Variants in AGBL1 observed in about 807,000 individuals in gnomAD.
The protein encoded by AGBL1 is cytosolic carboxypeptidase 4.
Under a neutral mutation model 118.9 loss-of-function variants are expected in AGBL1, and 130 were observed. The observed-to-expected ratio is 1.09, with a 90% CI of 0.95 to 1.26. The LOEUF (loss-of-function observed/expected upper bound fraction) is 1.26. Ranked by LOEUF, AGBL1 falls within the 50% of genes most tolerant of loss-of-function variation. The pLI is 0.00. For synonymous variants in AGBL1, 555 were observed against 478.9 expected, an observed-to-expected ratio of 1.16 and a Z score of -2.08; for missense variants, 1,584 against 1,298.1, an observed-to-expected ratio of 1.22 and a Z score of -3.38.
intron 21 of AGBL1, among the ~76,000 whole-genome samples, chr15:86,605,660 T>A (rs1318125601): frequency 6.6e-6 from 1 of 152,180 alleles, no homozygotes; most frequent in African/African-American, 2.4e-5. Context: ...GACGTTGATT[T>A]TGCTAGTCCA....
chr15:86,335,122 A>G (rs1412769760), intron 17 of AGBL1, among the ~76,000 whole-genome samples: 1 of 150,520 alleles, frequency 6.6e-6, no homozygotes, highest in Non-Finnish European at 1.5e-5. Context: ...ACTGAGAGAC[A>G]TGGAAGGTAG....
intron 21 of AGBL1, among the ~76,000 whole-genome samples, chr15:86,581,984 A>G (rs184614876): frequency 2.0e-4 from 30 of 152,274 alleles, no homozygotes; most frequent in Middle Eastern, 3.4e-3. Flanking sequence ...TGGCTTGGAA[A>G]GTTTCTCAAC....
chr15:87,021,769 C>A (rs1464446271), intron 24 of AGBL1, among the ~76,000 whole-genome samples: 2 of 152,198 alleles, frequency 1.3e-5, no homozygotes, highest in African/African-American at 4.8e-5. Flanking sequence ...GACTAGACTG[C>A]AGCTCTAACT....
chr15:86,639,180 T>C (rs1391139600), intron 21 of AGBL1, among the ~76,000 whole-genome samples: 1 of 152,140 alleles, frequency 6.6e-6, no homozygotes, highest in Non-Finnish European at 1.5e-5. Context: ...CAGTCACTAG[T>C]TCCAGTCCAC....
intron 23 of AGBL1, among the ~76,000 whole-genome samples, chr15:86,976,552 T>A (rs945167839): frequency 2.6e-5 from 4 of 152,000 alleles, no homozygotes; most frequent in Non-Finnish European, 4.4e-5. Context: ...TTTCTTAGGA[T>A]ATATTTCTAA....
intron 17 of AGBL1, among the ~76,000 whole-genome samples, chr15:86,391,640 G>GTTTTTTTTTTTTTTTT (rs751427467): frequency 1.5e-4 from 11 of 73,780 alleles, no homozygotes; most frequent in South Asian, 6.0e-4. Flanking sequence ...GTTGTTGTTG[G>GTTTTTTTTTTTTTTTT]TTTTTTTTTT....
chr15:86,109,106 A>C (rs1431421744), intron 1 of AGBL1, among the ~76,000 whole-genome samples: 1 of 152,216 alleles, frequency 6.6e-6, no homozygotes, highest in Admixed American at 6.5e-5. Context: ...AAATGAAAGG[A>C]GTTAGTATAT....
intron 1 of AGBL1, among the ~76,000 whole-genome samples, chr15:86,133,438 C>A (rs2076844545): frequency 6.6e-6 from 1 of 152,198 alleles, no homozygotes; most frequent in Admixed American, 6.5e-5. Context: ...AACCCGGCAC[C>A]TATTCCTGGT....
chr15:86,597,699 A>G (rs1481041725), intron 21 of AGBL1, among the ~76,000 whole-genome samples: 1 of 152,174 alleles, frequency 6.6e-6, no homozygotes, highest in Non-Finnish European at 1.5e-5. Flanking sequence ...AGCTTGCTTT[A>G]TCAAGGGAGT....
intron 22 of AGBL1, among the ~76,000 whole-genome samples, chr15:86,849,921 G>T (rs2079381290): frequency 6.6e-6 from 1 of 152,074 alleles, no homozygotes; most frequent in South Asian, 2.1e-4. Context: ...AGAAGGAGCT[G>T]GTCTTTTTGG....
intron 22 of AGBL1, among the ~76,000 whole-genome samples, chr15:86,675,631 G>C (rs756704611): frequency 6.6e-6 from 1 of 152,166 alleles, no homozygotes; most frequent in African/African-American, 2.4e-5. Flanking sequence ...GGCTTCGTGT[G>C]TTTGGTATCT....
intron 9 of AGBL1, among the ~76,000 whole-genome samples, chr15:86,260,344 A>G (rs535376181): frequency 1.3e-5 from 2 of 152,308 alleles, no homozygotes; most frequent in African/African-American, 4.8e-5. Context: ...AGAATGATTA[A>G]GAGGATCTTT....
Position 86,477,108 on chromosome 15 carries a change from C to A in AGBL1, c.2556-45702C>A, listed in dbSNP as rs978426608. Among the ~76,000 whole-genome samples the A allele has an allele frequency of 1.7e-3, 251 of 152,106 alleles. 1 individual carries two copies. The highest frequency in any genetic ancestry group is 5.5e-3 in the African/African-American group (230 of 41,506). On this transcript the variant is annotated intron_variant, in intron 18 of 22. Transcript: ENST00000614907. ...TGTGTAGAGGGAAATTTATAGCACT[C>A]AATGCCCACAAGAGAAAGCAGGAAA...
chr15:86,510,616 G>A (rs1407132083), intron 18 of AGBL1, among the ~76,000 whole-genome samples: 2 of 151,962 alleles, frequency 1.3e-5, no homozygotes, highest in South Asian at 2.1e-4. Flanking sequence ...TAATGATTTG[G>A]AACATTACAT....
At chr15:86,752,788 C>T (rs183920091) in intron 22 of AGBL1, among the ~76,000 whole-genome samples, 1 of 152,050 alleles carries the variant, frequency 6.6e-6, no homozygotes, top group Admixed American at 6.6e-5. Flanking sequence ...TGTGACCAAA[C>T]CTTTTTGTTT....
At chr15:86,641,562 T>C (rs1323902715) in intron 21 of AGBL1, among the ~76,000 whole-genome samples, 1 of 152,206 alleles carries the variant, frequency 6.6e-6, no homozygotes, top group East Asian at 1.9e-4. Context: ...ATATATTTAA[T>C]ATTTAATCAA....
At chr15:86,901,645 G>T (rs907830563) in intron 22 of AGBL1, among the ~76,000 whole-genome samples, 4 of 151,978 alleles carry the variant, frequency 2.6e-5, no homozygotes, top group African/African-American at 9.7e-5. Flanking sequence ...CCATGTTTTT[G>T]TTGGTGATTT....
chr15:86,605,780 C>A (rs1488869226), intron 21 of AGBL1, among the ~76,000 whole-genome samples: 1 of 151,332 alleles, frequency 6.6e-6, no homozygotes, highest in African/African-American at 2.4e-5. Flanking sequence ...TGTGTGTGTG[C>A]ATGTGTGTAT....
intron 18 of AGBL1, among the ~76,000 whole-genome samples, chr15:86,415,638 T>G (rs548779889): frequency 3.5e-4 from 53 of 152,288 alleles, no homozygotes; most frequent in Non-Finnish European, 7.1e-4. Flanking sequence ...GCTAACTCAT[T>G]TTTAGTTCAT....
Sources: gnomAD v4.1 joint callset for allele counts (sites outside exome capture counted in the v4.1 genomes callset) on GRCh38, gnomAD v4.1.1 for gene constraint, MANE v1.5 for transcripts, NCBI Gene and HGNC (gene_info 2026-07-23, HGNC 2026-07-21) for gene names.